SYDE2: variants seen among roughly 807,000 people sequenced by gnomAD.
SYDE2 encodes the protein rho GTPase-activating protein SYDE2.
Under a neutral mutation model 91.5 loss-of-function variants are expected in SYDE2, and 76 were observed. That is an observed-to-expected ratio of 0.83 (90% CI 0.69 to 1.01). The LOEUF is 1.01. Ranked by LOEUF, SYDE2 falls within the 50% of genes least tolerant of loss-of-function variation. The pLI is 0.00. For synonymous variants in SYDE2, 513 were observed against 506.4 expected, an observed-to-expected ratio of 1.01 and a Z score of -0.18; for missense variants, 1,364 against 1,367.7, an observed-to-expected ratio of 1.00 and a Z score of 0.04.
chr1:85,179,480 T>TACTAA (rs1657829334), intron 3 of SYDE2, among the ~76,000 whole-genome samples: 1 of 152,172 alleles, frequency 6.6e-6, no homozygotes, highest in African/African-American at 2.4e-5. Flanking sequence ...AATTGAAAGA[T>TACTAA]AGTAAAGAAC....
chr1:85,196,525 C>T (rs1157239291), intron 1 of SYDE2, among the ~76,000 whole-genome samples: 1 of 151,754 alleles, frequency 6.6e-6, no homozygotes, highest in African/African-American at 2.4e-5. Context: ...CAACACAACA[C>T]TGTTTTCTGC....
downstream of SYDE2, among the ~76,000 whole-genome samples, chr1:85,155,680 T>C (rs1459203844): frequency 1.3e-5 from 2 of 152,198 alleles, no homozygotes; most frequent in African/African-American, 2.4e-5. Flanking sequence ...GGATATAAGA[T>C]AGATACATAG....
intron 4 of SYDE2, among the ~76,000 whole-genome samples, chr1:85,171,297 C>T (rs1234017874): frequency 3.9e-5 from 6 of 152,026 alleles, no homozygotes; most frequent in Admixed American, 2.0e-4. Flanking sequence ...CAGAAAATAA[C>T]CCTGAAGAAC....
rs1470516694 is a variant in SYDE2 at position 85,200,560 on chromosome 1, C to T, written c.437G>A (p.Gly146Asp). The change falls in exon 1 of 7, where the codon GGC (glycine) becomes GAC (aspartate). Residue 146 changes from glycine to aspartate, a missense_variant. Gly to Asp is a moderately conservative substitution (Grantham distance 94). Transcript: ENST00000341460. ...CGAGGAGCAGCCGTGGTCCTTGCAG[C>T]CTGGAGGCTGGAGGCCGGTGGGTGC... ...AAAPTGLQPP[G>D]CKDHGCSSGS... 1 of 1,606,624 alleles carries T rather than the reference C, an allele frequency of 6.2e-7. No homozygotes were observed. The highest frequency in any genetic ancestry group is 1.1e-5 in the South Asian group (1 of 90,794).
chr1:85,188,458 ATATACATTTAC>A (rs1245447535), intron 2 of SYDE2, among the ~76,000 whole-genome samples: 1 of 152,178 alleles, frequency 6.6e-6, no homozygotes, highest in East Asian at 1.9e-4. Context: ...TTTTCTCTTA[ATATACATTTAC>A]TCCACCTTCC....
At position 85,182,755 on chromosome 1, in the gene SYDE2, A is replaced by C. The variant is rs1657981915; in HGVS notation, c.1887T>G (p.Leu629=). The C allele has an allele frequency of 1.2e-6, 2 of 1,613,934 alleles. No individual in the cohort carries two copies. The highest frequency in any genetic ancestry group is 1.7e-6 in the Non-Finnish European group (2 of 1,179,862). Residue 629 remains leucine (L), a synonymous_variant, in exon 3 of 7, where the codon CTT becomes CTG. Coordinates refer to ENST00000341460, the MANE Select transcript of SYDE2 (RefSeq NM_032184.2). ...ATCCATGTTTGCTAGCTTTAGTTGTAAGTTCAGGTGAGTCTCCATCACTAA... is the reference window on the plus strand; with the variant it reads ...ATCCATGTTTGCTAGCTTTAGTTGTCAGTTCAGGTGAGTCTCCATCACTAA... ...GYLSDGDSPE[L]TTKASKHGSE...
chr1:85,166,372 A>T (rs2100649901), intron 5 of SYDE2, among the ~76,000 whole-genome samples: 1 of 151,252 alleles, frequency 6.6e-6, no homozygotes, highest in African/African-American at 2.4e-5. Flanking sequence ...TTTTGTAGAG[A>T]CAGGGTCTTG....
chr1:85,188,165 T>C (rs1187430475), intron 2 of SYDE2, among the ~76,000 whole-genome samples: 3 of 152,192 alleles, frequency 2.0e-5, no homozygotes, highest in Non-Finnish European at 4.4e-5. Flanking sequence ...TCTGTGATAC[T>C]ATAGCCTTCC....
At chr1:85,155,048 AG>A (rs1292642655), downstream of SYDE2, among the ~76,000 whole-genome samples, 2 of 149,196 alleles carry the variant, frequency 1.3e-5, no homozygotes, top group Admixed American at 6.7e-5. Context: ...AAAAAAGAAA[AG>A]AAAGAAAAGA....
chr1:85,156,017 C>A, downstream of SYDE2, among the ~76,000 whole-genome samples: 1 of 151,068 alleles, frequency 6.6e-6, no homozygotes, highest in East Asian at 1.9e-4. Context: ...GAACTAAAAA[C>A]ATAACAAAAA....
At chr1:85,194,091 CA>C (rs1266633697) in intron 1 of SYDE2, among the ~76,000 whole-genome samples, 2 of 151,480 alleles carry the variant, frequency 1.3e-5, no homozygotes, top group Non-Finnish European at 2.9e-5. Context: ...TTACAAAGGC[CA>C]AATTTATTTA....
In SYDE2 at chr1:85,164,689, C is replaced by G; in HGVS notation, c.2922G>C (p.Thr974=). 1 of 1,532,002 alleles carries G rather than the reference C, an allele frequency of 6.5e-7. No individual in the cohort carries two copies. The highest frequency in any genetic ancestry group is 8.8e-7 in the Non-Finnish European group (1 of 1,139,862). The allele number at this position is 1,532,002 out of a possible 1,614,324, so 94.9% of individuals were successfully genotyped here. A position where few individuals can be genotyped will look rare whatever the true frequency, so the allele number is the denominator to read the frequency against. The part of the protein sequence containing the change: ...VASYHEVNKM[T]CQNLAVCFGP... ...CAAAGCACACAGCCAAATTCTGGCACGTCATCTTATTCACTTCATGATAGG... is the reference window on the plus strand; with the variant it reads ...CAAAGCACACAGCCAAATTCTGGCAGGTCATCTTATTCACTTCATGATAGG... The change falls in exon 6 of 7, where the codon ACG becomes ACC. Residue 974 remains threonine, a synonymous_variant. Transcript: ENST00000341460.
At position 85,158,674 on chromosome 1, in the gene SYDE2, C is replaced by A; in HGVS notation, c.*76G>T. ...TTCAAGAGTAAAAAAATGAAAACATCGCTGTGGGTGGTATAAGAAAATAAA... is the reference window on the plus strand; with the variant it reads ...TTCAAGAGTAAAAAAATGAAAACATAGCTGTGGGTGGTATAAGAAAATAAA... On this transcript the variant is annotated 3_prime_UTR_variant, in exon 7 of 7. Transcript: ENST00000341460. 1 of 582,556 alleles carries A rather than the reference C, an allele frequency of 1.7e-6. No homozygotes were observed. Among genetic ancestry groups the A allele is most frequent in the Non-Finnish European group, 3.1e-6 (1 of 326,004 alleles). 36.1% of individuals were successfully genotyped at this position (582,556 alleles called of 1,614,324 possible). A position where few individuals can be genotyped will look rare whatever the true frequency, so the allele number is the denominator to read the frequency against.
downstream of SYDE2, among the ~76,000 whole-genome samples, chr1:85,155,404 G>A (rs1656857529): frequency 6.6e-6 from 1 of 152,138 alleles, no homozygotes; most frequent in South Asian, 2.1e-4. Flanking sequence ...TTGGGAGACT[G>A]AGGCGGAAAG....
intron 4 of SYDE2, among the ~76,000 whole-genome samples, chr1:85,174,186 A>G (rs895248968): frequency 1.3e-5 from 2 of 152,236 alleles, no homozygotes; most frequent in Non-Finnish European, 2.9e-5. Context: ...AAGAAAAAAT[A>G]GAGAAAAACT....
Position 85,190,479 on chromosome 1 carries a change from T to C in SYDE2, c.1019A>G (p.Tyr340Cys), listed in dbSNP as rs1025573354. ...FLKSSKEYCTYVVCNATNSSL... is the reference protein window; with the variant it reads ...FLKSSKEYCTCVVCNATNSSL... ...AGAGTTTGTAGCGTTACATACCACA[T>C]ATGTACAGTACTCTTTAGATGATTT... The change falls in exon 2 of 7, where the codon TAT becomes TGT. Residue 340 changes from tyrosine to cysteine, a missense_variant. Tyr to Cys is a radical substitution (Grantham distance 194). Transcript: ENST00000341460. 6.2e-7 allele frequency: 1 copy of C among 1,614,030 alleles called. No individual in the cohort carries two copies. Among genetic ancestry groups the C allele is most frequent in the Non-Finnish European group, 8.5e-7 (1 of 1,179,888 alleles).
chr1:85,196,672 T>C (rs1164619793), intron 1 of SYDE2, among the ~76,000 whole-genome samples: 1 of 150,086 alleles, frequency 6.7e-6, no homozygotes, highest in Non-Finnish European at 1.5e-5. Flanking sequence ...CAGGAAGAGA[T>C]TTAAAATTAG....
Position 85,182,252 on chromosome 1 carries a change from T to C in SYDE2, c.2390A>G (p.Gln797Arg), listed in dbSNP as rs1657950966. The stretch of plus-strand genomic sequence containing the variant: ...TAGTCCATGAAGAGAATTCTCCCAC[T>C]GTTCCATAAGAGTCACTTTCACATA... Reference protein sequence around the residue: ...LIYVKVTLMEQWENSLHGLDI... With the variant: ...LIYVKVTLMERWENSLHGLDI... Residue 797 changes from glutamine (Q) to arginine (R), a missense_variant, in exon 3 of 7, where the codon CAG becomes CGG. Transcript: ENST00000341460. The C allele has an allele frequency of 6.2e-7, 1 of 1,611,746 alleles. No homozygotes were observed. Among genetic ancestry groups the C allele is most frequent in the South Asian group, 1.1e-5 (1 of 90,508 alleles).
intron 4 of SYDE2, among the ~76,000 whole-genome samples, chr1:85,175,868 T>C (rs1038846369): frequency 6.6e-6 from 1 of 152,132 alleles, no homozygotes; most frequent in Admixed American, 6.5e-5. Flanking sequence ...AAGAAAAAAA[T>C]AGTTCTAAAT....
Sources: allele counts gnomAD v4.1 joint callset (sites outside exome capture counted in the v4.1 genomes callset), GRCh38; gene constraint gnomAD v4.1.1; transcripts MANE v1.5; gene names NCBI Gene and HGNC (gene_info 2026-07-23, HGNC 2026-07-21).